HMOX1: variants seen among roughly 807,000 people sequenced by gnomAD.
HMOX1 encodes the protein heme oxygenase 1.
In HMOX1, 22 loss-of-function variants were observed where a neutral mutation model predicts 27.8. The observed-to-expected ratio is 0.79, with a 90% CI of 0.57 to 1.13. The LOEUF (loss-of-function observed/expected upper bound fraction) is 1.13, where lower values mean the gene tolerates loss of function less well. HMOX1 is among the 50% of genes most tolerant of loss of function. HMOX1 has a pLI of 0.00. For missense variants in HMOX1, 379 were observed against 377.7 expected (o/e 1.00, Z -0.03); for synonymous variants, 153 against 151.6 (o/e 1.01, Z -0.07).
chr22:35,383,030 A>G, intron 1 of HMOX1, 76 bp from the exon 2 acceptor site: 3 of 1,586,646 alleles, frequency 1.9e-6, no homozygotes. Flanking sequence ...GCCTGCCCAC[A>G]GGTGGGAGGC....
intron 1 of HMOX1, 101 bp from the exon 2 acceptor site, chr22:35,383,005 G>A: frequency 6.7e-7 from 1 of 1,495,056 alleles, no homozygotes; most frequent in South Asian, 1.1e-5. Flanking sequence ...GAATGAGGAT[G>A]GGAGTCTCTT....
Position 35,381,173 on chromosome 22 carries a change from G to T in HMOX1, c.-1G>T. On this transcript the variant is annotated 5_prime_UTR_variant, in exon 1 of 5. Coordinates refer to ENST00000216117, the MANE Select transcript of HMOX1 (RefSeq NM_002133.3). The stretch of plus-strand genomic sequence containing the variant: ...GCACGAACGAGCCCAGCACCGGCCG[G>T]ATGGAGCGTCCGCAACCCGACAGGC... 1 of 1,543,574 alleles carries T rather than the reference G, an allele frequency of 6.5e-7. No individual in the cohort carries two copies. Among genetic ancestry groups the T allele is most frequent in the Non-Finnish European group, 8.7e-7 (1 of 1,150,636 alleles).
intron 3 of HMOX1, 41 bp downstream of exon 3, chr22:35,387,217 G>C (rs374017318): frequency 6.2e-7 from 1 of 1,611,770 alleles, no homozygotes; most frequent in Non-Finnish European, 8.5e-7. Context: ...GCCTCCCCCC[G>C]TTGTTCCTCC....
At chr22:35,381,825 T>A (rs753869060) in intron 1 of HMOX1, among the ~76,000 whole-genome samples, 1 of 151,842 alleles carries the variant, frequency 6.6e-6, no homozygotes, top group Non-Finnish European at 1.5e-5. Flanking sequence ...GCCTCCAGAG[T>A]AGCTGGGACT....
rs755879599 is a variant in HMOX1, at chr22:35,386,828, G to C, written c.288G>C (p.Trp96Cys). ...CCCTGGAGCAGGACCTGGCCTTCTG[G>C]TACGGGCCCCGCTGGCAGGAGGTCA... ...KAALEQDLAF[W>C]YGPRWQEVIP... is the part of the protein sequence containing the mutation. The change falls in exon 3 of 5, where the codon TGG becomes TGC. Residue 96 changes from tryptophan (W) to cysteine (C), a missense_variant. By Grantham distance (215) the Trp-to-Cys change is radical. Coordinates refer to ENST00000216117, the MANE Select transcript of HMOX1 (RefSeq NM_002133.3). 2.5e-6 allele frequency: 4 copies of C among 1,614,212 alleles called. No homozygotes were observed. The East Asian group carries it at 8.9e-5, about 36-fold the overall frequency.
Position 35,387,103 on chromosome 22 carries a change from C to A in HMOX1, c.563C>A (p.Ser188Tyr). The A allele has an allele frequency of 6.2e-7, 1 of 1,613,634 alleles. No homozygotes were observed. Among genetic ancestry groups the A allele is most frequent in the Non-Finnish European group, 8.5e-7 (1 of 1,180,034 alleles). The change falls in exon 3 of 5, where the codon TCC (serine) becomes TAC (tyrosine). Residue 188 changes from serine to tyrosine, a missense_variant. Transcript: ENST00000216117. ...FKQLYRSRMN[S>Y]LEMTPAVRQR... Reference sequence around the variant, plus strand: ...CAGCTCTACCGCTCCCGCATGAACTCCCTGGAGATGACTCCCGCAGTCAGG... The same window carrying A: ...CAGCTCTACCGCTCCCGCATGAACTACCTGGAGATGACTCCCGCAGTCAGG...
In HMOX1 at chr22:35,386,765, C is replaced by G. The variant is rs781006924; in HGVS notation, c.225C>G (p.Ala75=). The part of the protein sequence containing the change: ...IERNKESPVF[A]PVYFPEELHR... Reference sequence around the variant, plus strand: ...GCAACAAGGAGAGCCCAGTCTTCGCCCCTGTCTACTTCCCAGAAGAGCTGC... The same window carrying G: ...GCAACAAGGAGAGCCCAGTCTTCGCGCCTGTCTACTTCCCAGAAGAGCTGC... Residue 75 remains alanine (A), a synonymous_variant, in exon 3 of 5, where the codon GCC becomes GCG. Coordinates refer to ENST00000216117, the MANE Select transcript of HMOX1 (RefSeq NM_002133.3). 1 of 1,614,220 alleles carries G rather than the reference C, an allele frequency of 6.2e-7. No homozygotes were observed. The highest frequency in any genetic ancestry group is 8.5e-7 in the Non-Finnish European group (1 of 1,180,030).
rs749455128 is a variant in HMOX1, at chr22:35,393,691, T to C, written c.*93T>C. 258 of 1,535,434 alleles carry C rather than the reference T, an allele frequency of 1.7e-4. 2 individuals are homozygous for C. Among genetic ancestry groups the C allele is most frequent in the Non-Finnish European group, 2.2e-4 (247 of 1,110,640 alleles). The stretch of plus-strand genomic sequence containing the variant: ...ATTCTCTTGGCTGGCTTCCTTACCG[T>C]GGGCACTGAAGGCTTTCAGGGCCTC... On this transcript the variant is annotated 3_prime_UTR_variant, in exon 5 of 5. Coordinates refer to ENST00000216117, the MANE Select transcript of HMOX1 (RefSeq NM_002133.3).
chr22:35,387,195 G>A lies in HMOX1; in HGVS notation c.636+19G>A. On this transcript the variant is annotated intron_variant, in intron 3 of 4. Coordinates refer to ENST00000216117, the MANE Select transcript of HMOX1 (RefSeq NM_002133.3). ...CATCCAGGTGAGGGTCGGGCAGCCT[G>A]GGGCAGCCTCTGCCTCCCCCCGTTG... 6.2e-7 allele frequency: 1 copy of A among 1,613,076 alleles called. No homozygotes were observed. Among genetic ancestry groups the A allele is most frequent in the Non-Finnish European group, 8.5e-7 (1 of 1,179,924 alleles).
At chr22:35,388,623 T>TA (rs1182363460) in intron 3 of HMOX1, among the ~76,000 whole-genome samples, 1 of 150,602 alleles carries the variant, frequency 6.6e-6, no homozygotes, top group African/African-American at 2.4e-5. Flanking sequence ...CCATCTCTAC[T>TA]AAAAAAAAGA....
intron 1 of HMOX1, among the ~76,000 whole-genome samples, chr22:35,382,517 ATTTT>A (rs58712001): frequency 8.4e-6 from 1 of 119,472 alleles, no homozygotes; most frequent in Non-Finnish European, 1.8e-5. Context: ...ATGCCCGGCT[ATTTT>A]TTTTTTTTTT....
rs778459375 is a variant in HMOX1 at position 35,386,952 on chromosome 22, C to G, written c.412C>G (p.Leu138Val). Reference sequence around the variant, plus strand: ...GGTGGCCCACGCCTACACCCGCTACCTGGGTGACCTGTCTGGGGGCCAGGT... The same window carrying G: ...GGTGGCCCACGCCTACACCCGCTACGTGGGTGACCTGTCTGGGGGCCAGGT... ...LLVAHAYTRY[L>V]GDLSGGQVLK... Residue 138 changes from leucine to valine, a missense_variant, in exon 3 of 5, where the codon CTG (leucine) becomes GTG (valine). Transcript: ENST00000216117. 5.0e-6 allele frequency: 8 copies of G among 1,614,100 alleles called. No homozygotes were observed. In the South Asian group the frequency reaches 8.8e-5, roughly 18 times the overall value.
intron 4 of HMOX1, among the ~76,000 whole-genome samples, chr22:35,391,577 G>A (rs1234189337): frequency 6.3e-5 from 9 of 142,784 alleles, no homozygotes; most frequent in African/African-American, 2.1e-4. Context: ...GTGAGCCACC[G>A]CGCCCGGCCT....
At chr22:35,390,231 TTTG>T (rs889124155) in intron 4 of HMOX1, 237 of 488,752 alleles carry the variant, frequency 4.8e-4, no homozygotes, top group African/African-American at 6.8e-4. Context: ...AGCCTGAATG[TTTG>T]TTGTTGTTGT....
At chr22:35,389,205 C>CTT (rs1931588557) in intron 3 of HMOX1, among the ~76,000 whole-genome samples, 1 of 127,478 alleles carries the variant, frequency 7.8e-6, no homozygotes, top group Admixed American at 7.3e-5. Context: ...TTCTTTCTTT[C>CTT]TTTCTTTCTC....
chr22:35,386,730 G>A lies in HMOX1; in HGVS notation c.190G>A (p.Glu64Lys), dbSNP rs1601741392. The part of the protein sequence containing the change: ...LYHIYVALEE[E>K]IERNKESPVF... ...CCACATCTATGTGGCCCTGGAGGAG[G>A]AGATTGAGCGCAACAAGGAGAGCCC... The change falls in exon 3 of 5, where the codon GAG becomes AAG. Residue 64 changes from glutamate (E) to lysine (K), a missense_variant. Physicochemically the swap from Glu to Lys is moderately conservative, Grantham distance 56 (BLOSUM62 1). Transcript: ENST00000216117. 6.2e-7 allele frequency: 1 copy of A among 1,614,204 alleles called. No homozygotes were observed. Among genetic ancestry groups the A allele is most frequent in the Non-Finnish European group, 8.5e-7 (1 of 1,180,028 alleles).
rs1461503464 is a variant in HMOX1, at chr22:35,389,972, A to G, written c.736+9A>G. 6 of 1,596,494 alleles carry G rather than the reference A, an allele frequency of 3.8e-6. No homozygotes were observed. The highest frequency in any genetic ancestry group is 2.6e-6 in the Non-Finnish European group (3 of 1,168,104). ...CAGCAACAAAGTGCAAGGTGAGAGC[A>G]TCCAGGAAGGGGCACTTCCTCTGGG... On this transcript the variant is annotated intron_variant, in intron 4 of 4. Transcript: ENST00000216117.
rs1569057650 is a variant in HMOX1, at chr22:35,389,400, CTTTCTTT to C, written c.637-463_637-457del. On this transcript the variant is annotated intron_variant, in intron 3 of 4. Transcript: ENST00000216117. ...CCTTCCTTCCTTCCTTCCTTCCTTT[CTTTCTTT>C]CTTTCTTTCTTTCTTTCTTTCTATC... Among the ~76,000 whole-genome samples, 187 of 64,520 alleles carry C rather than the reference CTTTCTTT, an allele frequency of 2.9e-3. 4 individuals are homozygous for C. The highest frequency in any genetic ancestry group is 0.016 in the African/African-American group (131 of 8,190). The allele number at this position is 64,520 out of a possible 152,430, so 42.3% of individuals were successfully genotyped here. A position where few individuals can be genotyped will look rare whatever the true frequency, so the allele number is the denominator to read the frequency against.
At chr22:35,389,243 C>CTT (rs1931598430) in intron 3 of HMOX1, among the ~76,000 whole-genome samples, 2 of 110,148 alleles carry the variant, frequency 1.8e-5, no homozygotes, top group African/African-American at 4.7e-5. Flanking sequence ...CTTTCTTTTT[C>CTT]TTTCTTTTCT....
Sources: allele counts gnomAD v4.1 joint callset (sites outside exome capture counted in the v4.1 genomes callset), GRCh38; gene constraint gnomAD v4.1.1; transcripts MANE v1.5; gene names NCBI Gene and HGNC (gene_info 2026-07-23, HGNC 2026-07-21).